NGF: variants seen among roughly 807,000 people sequenced by gnomAD.
The protein encoded by NGF is beta-nerve growth factor.
NGF carries 4 observed loss-of-function variants against 12.8 expected under a neutral mutation model. The ratio of observed to expected loss-of-function variants is 0.31; its 90% CI spans 0.15 to 0.72. NGF has a LOEUF of 0.72. Ranked by LOEUF, NGF falls within the 30% of genes least tolerant of loss-of-function variation. The probability of loss-of-function intolerance (pLI) is 0.69; values close to 1 mark genes in which losing one functional copy is unlikely to be tolerated. For synonymous variants in NGF, 140 were observed against 130.0 expected (o/e 1.08, Z -0.52); for missense variants, 283 against 330.8 (o/e 0.86, Z 1.12).
intron 1 of NGF, among the ~76,000 whole-genome samples, chr1:115,334,844 A>T (rs1030660484): frequency 3.9e-5 from 6 of 152,206 alleles, no homozygotes; most frequent in Non-Finnish European, 8.8e-5. Context: ...CTCCATTCAG[A>T]AACAATATAA....
At chr1:115,329,678 C>T (rs978592035) in intron 1 of NGF, among the ~76,000 whole-genome samples, 11 of 151,726 alleles carry the variant, frequency 7.2e-5, no homozygotes, top group Non-Finnish European at 1.5e-4. Flanking sequence ...TCATTTTTTT[C>T]CCTAATGAGA....
chr1:115,335,921 G>GTT (rs926142279), intron 1 of NGF, among the ~76,000 whole-genome samples: 13 of 152,172 alleles, frequency 8.5e-5, no homozygotes, highest in Non-Finnish European at 1.5e-4. Context: ...TTTTTCATCA[G>GTT]TTTATTCTCG....
rs185385214 is a variant in NGF at position 115,286,657 on chromosome 1, C to A, written c.139G>T (p.Ala47Ser). 6.2e-7 allele frequency: 1 copy of A among 1,614,224 alleles called. No individual in the cohort carries two copies. Among genetic ancestry groups the A allele is most frequent in the Non-Finnish European group, 8.5e-7 (1 of 1,180,052 alleles). Residue 47 changes from alanine (A) to serine (S), a missense_variant, in exon 3 of 3, where the codon GCC (alanine) becomes TCC (serine). By Grantham distance (99) the Ala-to-Ser change is moderately conservative. This residue lies in a region of NGF where 151 missense variants were observed against 141.6 expected (regional missense o/e 1.07). Coordinates refer to ENST00000369512, the MANE Select transcript of NGF (RefSeq NM_002506.3). ...WTKLQHSLDT[A>S]LRRARSAPAA... is the part of the protein sequence containing the mutation. ...GGGGCGCTGCGGGCTCTGCGAAGGGCAGTGTCAAGGGAATGCTGAAGTTTA... is the reference window on the plus strand; with the variant it reads ...GGGGCGCTGCGGGCTCTGCGAAGGGAAGTGTCAAGGGAATGCTGAAGTTTA...
At chr1:115,291,577 C>G (rs948749847) in intron 2 of NGF, among the ~76,000 whole-genome samples, 1 of 152,238 alleles carries the variant, frequency 6.6e-6, no homozygotes, top group African/African-American at 2.4e-5. Context: ...AGATCCATGA[C>G]TAAGAGTGGG....
Position 115,324,570 on chromosome 1 carries a change from A to C in NGF, c.-137+13634T>G, listed in dbSNP as rs779439188. 2.6e-5 allele frequency among the ~76,000 whole-genome samples: 4 copies of C among 151,980 alleles called. No homozygotes were observed. The South Asian group carries it at 6.3e-4, about 24-fold the overall frequency. ...CTTTCTTTCCTGATTCCTCTCTTCC[A>C]TCAGAGCCTGGACCCCTGAGCCCTT... On this transcript the variant is annotated intron_variant, in intron 1 of 2. Transcript: ENST00000369512.
intron 1 of NGF, among the ~76,000 whole-genome samples, chr1:115,329,299 C>T (rs1327457268): frequency 1.3e-5 from 2 of 151,976 alleles, no homozygotes; most frequent in African/African-American, 4.8e-5. Flanking sequence ...CACTTTGTCA[C>T]TTAATCTACA....
intron 1 of NGF, among the ~76,000 whole-genome samples, chr1:115,317,700 G>A (rs1654508486): frequency 6.6e-6 from 1 of 152,164 alleles, no homozygotes; most frequent in Non-Finnish European, 1.5e-5. Flanking sequence ...GCTACAGTCA[G>A]GAGACCTTAG....
chr1:115,337,286 T>C (rs1039336411), intron 1 of NGF, among the ~76,000 whole-genome samples: 1 of 132,650 alleles, frequency 7.5e-6, no homozygotes, highest in African/African-American at 2.9e-5. Context: ...TTTTTTTTTT[T>C]TTTTTTTTTT....
At chr1:115,333,534 C>G (rs1055037571) in intron 1 of NGF, among the ~76,000 whole-genome samples, 2 of 150,122 alleles carry the variant, frequency 1.3e-5, no homozygotes, top group Admixed American at 1.3e-4. Context: ...ACTTCCCGCA[C>G]GTGAATGCGT....
intron 1 of NGF, among the ~76,000 whole-genome samples, chr1:115,326,448 T>C (rs900083843): frequency 6.6e-5 from 10 of 152,204 alleles, no homozygotes; most frequent in African/African-American, 2.4e-4. Context: ...TACCACTTTA[T>C]AGCCGAAGAA....
chr1:115,333,049 T>C lies in NGF; in HGVS notation c.-137+5155A>G, dbSNP rs148285130. Among the ~76,000 whole-genome samples the C allele has an allele frequency of 6.6e-5, 10 of 152,184 alleles. 1 individual carries two copies. In the East Asian group the frequency reaches 1.7e-3, roughly 26 times the overall value. On this transcript the variant is annotated intron_variant, in intron 1 of 2. Coordinates refer to ENST00000369512, the MANE Select transcript of NGF (RefSeq NM_002506.3). ...CATTACTAATGAGGGTTGTAATCCATCTGTAATGATGAAGAACTGAAGTCA... is the reference window on the plus strand; with the variant it reads ...CATTACTAATGAGGGTTGTAATCCACCTGTAATGATGAAGAACTGAAGTCA...
At chr1:115,308,285 C>T (rs954358823) in intron 1 of NGF, among the ~76,000 whole-genome samples, 3 of 152,170 alleles carry the variant, frequency 2.0e-5, no homozygotes, top group African/African-American at 7.2e-5. Flanking sequence ...GGTCAGTGAA[C>T]AGGCTGATGA....
At chr1:115,298,999 C>A (rs1653955536) in intron 1 of NGF, among the ~76,000 whole-genome samples, 1 of 152,082 alleles carries the variant, frequency 6.6e-6, no homozygotes, top group Non-Finnish European at 1.5e-5. Context: ...CTGTGCACAA[C>A]AGGAAAAGGA....
chr1:115,291,864 G>A (rs560261289), intron 2 of NGF, among the ~76,000 whole-genome samples: 2 of 152,308 alleles, frequency 1.3e-5, no homozygotes, highest in South Asian at 2.1e-4. Context: ...GGGGAGATGT[G>A]TTGTAGAAGG....
chr1:115,303,268 C>T (rs1026640997), intron 1 of NGF, among the ~76,000 whole-genome samples: 2 of 152,126 alleles, frequency 1.3e-5, no homozygotes, highest in Admixed American at 1.3e-4. Flanking sequence ...AGTCCCAGGA[C>T]CTAAGTGCTC....
chr1:115,291,482 G>A (rs1019232481), intron 2 of NGF, among the ~76,000 whole-genome samples: 5 of 152,206 alleles, frequency 3.3e-5, no homozygotes, highest in African/African-American at 9.7e-5. Flanking sequence ...AGCTGAGGAG[G>A]ATGCAGTTAG....
At chr1:115,306,972 T>A (rs777169862) in intron 1 of NGF, among the ~76,000 whole-genome samples, 1 of 152,250 alleles carries the variant, frequency 6.6e-6, no homozygotes, top group East Asian at 1.9e-4. Context: ...CTGGCCCTGA[T>A]GCTGGATCTG....
At chr1:115,324,003 C>T (rs908177356) in intron 1 of NGF, among the ~76,000 whole-genome samples, 1 of 152,138 alleles carries the variant, frequency 6.6e-6, no homozygotes, top group African/African-American at 2.4e-5. Context: ...AATCCCGGGA[C>T]CTTGGAAATA....
intron 1 of NGF, among the ~76,000 whole-genome samples, chr1:115,316,870 G>C (rs557112020): frequency 4.0e-4 from 61 of 152,278 alleles, no homozygotes; most frequent in African/African-American, 1.4e-3. Flanking sequence ...TTTGGGAATT[G>C]GGTGTAATTT....
Sources: allele counts gnomAD v4.1 joint callset (sites outside exome capture counted in the v4.1 genomes callset), GRCh38; gene constraint gnomAD v4.1.1; regional missense constraint gnomAD v4.1.1; transcripts MANE v1.5; gene names NCBI Gene and HGNC (gene_info 2026-07-23, HGNC 2026-07-21).